Variants in IL3RA observed in about 807,000 individuals in gnomAD.
IL3RA encodes interleukin-3 receptor subunit alpha.
A neutral mutation model predicts 52.3 loss-of-function variants in IL3RA; 73 were observed. The ratio of observed to expected loss-of-function variants is 1.40; its 90% confidence interval spans 1.16 to 1.70. The LOEUF is 1.70. Among genes scored for constraint, IL3RA ranks in the 40% most tolerant of loss-of-function variants. The pLI, the probability that IL3RA is intolerant of heterozygous loss-of-function variation, is 0.00. For missense variants in IL3RA, 664 were observed against 504.4 expected (o/e 1.32, Z -3.03); for synonymous variants, 260 against 194.0 (o/e 1.34, Z -2.83).
intron 1 of IL3RA, among the ~76,000 whole-genome samples, chrX:1,339,271 C>T (rs753164104): frequency 6.6e-6 from 1 of 152,206 alleles, no homozygotes; most frequent in Non-Finnish European, 1.5e-5. Context: ...AACACAGGCT[C>T]TGTCCGAAAG....
chrX:1,350,895 ACACACAGATGCACACACACG>A (rs1250049152), intron 4 of IL3RA, among the ~76,000 whole-genome samples: 3 of 151,212 alleles, frequency 2.0e-5, no homozygotes, highest in African/African-American at 4.9e-5. Flanking sequence ...TCTTAAACAC[ACACACAGATGCACACACACG>A]CACACACACA....
rs1469539559 is a variant in IL3RA at position 1,361,370 on chromosome X, C to T, written c.759+2483C>T. On this transcript the variant is annotated intron_variant, in intron 8 of 11. Coordinates refer to ENST00000331035, the MANE Select transcript of IL3RA (RefSeq NM_002183.4). ...AAACAAAAGAGGGTTCCTGGACTCACAGTTCCATGTGGCTGGGGAGGCCTC... is the reference window on the plus strand; with the variant it reads ...AAACAAAAGAGGGTTCCTGGACTCATAGTTCCATGTGGCTGGGGAGGCCTC... Among the ~76,000 whole-genome samples, 81 of 152,124 alleles carry T rather than the reference C, an allele frequency of 5.3e-4. 1 individual carries two copies. Among genetic ancestry groups the T allele is most frequent in the Non-Finnish European group, 9.4e-4 (64 of 68,040 alleles).
At chrX:1,377,633 G>A (rs35141069) in intron 9 of IL3RA, among the ~76,000 whole-genome samples, 22,396 of 150,816 alleles carry the variant, frequency 0.15, 1,804 homozygotes, top group Middle Eastern at 0.26. Flanking sequence ...TAAGGTTATC[G>A]TCATAGGTTC....
At chrX:1,339,749 G>A (rs1424511751) in intron 1 of IL3RA, among the ~76,000 whole-genome samples, 2 of 151,994 alleles carry the variant, frequency 1.3e-5, no homozygotes, top group South Asian at 2.1e-4. Flanking sequence ...CCAAGATCGC[G>A]CCACTGCACT....
chrX:1,340,662 CAA>C (rs1334157939), intron 1 of IL3RA, among the ~76,000 whole-genome samples: 3 of 152,150 alleles, frequency 2.0e-5, no homozygotes, highest in African/African-American at 7.2e-5. Context: ...CATTCAAACA[CAA>C]AGACTGTGTG....
At chrX:1,366,657 C>G (rs1301193936) in intron 9 of IL3RA, among the ~76,000 whole-genome samples, 2 of 6,314 alleles carry the variant, frequency 3.2e-4, no homozygotes, top group African/African-American at 1.4e-3. Context: ...CGGGGTGAGC[C>G]GGGTGCCCCG....
chrX:1,361,755 G>GACAAA (rs2087406414), intron 8 of IL3RA, among the ~76,000 whole-genome samples: 1 of 81,766 alleles, frequency 1.2e-5, no homozygotes, highest in Admixed American at 1.5e-4. Flanking sequence ...TCCGTCTCGA[G>GACAAA]AAAAAAAAAA....
At position 1,378,622 on chromosome X, in the gene IL3RA, GC is replaced by G. The variant is rs773061479; in HGVS notation, c.875-32del. 1.8e-5 allele frequency: 29 copies of G among 1,568,710 alleles called. No individual in the cohort carries two copies. In the East Asian group the frequency reaches 6.5e-4, roughly 35 times the overall value. ...TACAGTCCCTGGTCCCCCCAGGACGGCCCCCGGTCTGTGACCCTCTCACCCT... is the reference window on the plus strand; with the variant it reads ...TACAGTCCCTGGTCCCCCCAGGACGGCCCCGGTCTGTGACCCTCTCACCCT... On this transcript the variant is annotated intron_variant, in intron 9 of 11. Transcript: ENST00000331035.
At position 1,382,389 on chromosome X, in the gene IL3RA, A is replaced by AG; in HGVS notation, c.1063dup. 1 of 1,613,682 alleles carries AG rather than the reference A, an allele frequency of 6.2e-7. No homozygotes were observed. Among genetic ancestry groups the AG allele is most frequent in the Non-Finnish European group, 8.5e-7 (1 of 1,179,700 alleles). The stretch of plus-strand genomic sequence containing the variant: ...TCACCCTGCCTCCTCTCGTCTCTGC[A>AG]GGTGGTCTGGGAGGCGGGCAAAGCC... On this transcript the variant is annotated splice_acceptor_variant, in intron 11 of 11. Coordinates refer to ENST00000331035, the MANE Select transcript of IL3RA (RefSeq NM_002183.4). LOFTEE classifies it high-confidence loss of function.
chrX:1,349,085 G>A (rs2085959028), intron 4 of IL3RA, among the ~76,000 whole-genome samples: 1 of 150,196 alleles, frequency 6.7e-6, no homozygotes, highest in Non-Finnish European at 1.5e-5. Context: ...ACAGCTTACT[G>A]CAGGCTTCAC....
intron 4 of IL3RA, among the ~76,000 whole-genome samples, chrX:1,351,569 T>A (rs2086085196): frequency 6.6e-6 from 1 of 151,330 alleles, no homozygotes; most frequent in Non-Finnish European, 1.5e-5. Flanking sequence ...CCTCAGGTGA[T>A]CCTCCTGCCT....
chrX:1,367,973 G>T (rs1240232151), intron 9 of IL3RA, among the ~76,000 whole-genome samples: 1 of 152,012 alleles, frequency 6.6e-6, no homozygotes, highest in East Asian at 1.9e-4. Context: ...GACGTGGAGG[G>T]GAAACAAGGT....
chrX:1,359,038 A>G, intron 8 of IL3RA, 151 bp downstream of exon 8: 1 of 633,064 alleles, frequency 1.6e-6, no homozygotes, highest in Non-Finnish European at 2.2e-6. Context: ...TTCAATGTTC[A>G]GTGACTTTCA....
rs370559144 is a variant in IL3RA at position 1,352,258 on chromosome X, G to A, written c.431+26G>A. Reference sequence around the variant, plus strand: ...GTAGGTGTGCCCGTGGGCAGAGGCCGGGCTGTCCCTGGTGCGGGTGCCATC... The same window carrying A: ...GTAGGTGTGCCCGTGGGCAGAGGCCAGGCTGTCCCTGGTGCGGGTGCCATC... On this transcript the variant is annotated intron_variant, in intron 5 of 11. Transcript: ENST00000331035. The A allele has an allele frequency of 9.9e-5, 159 of 1,613,094 alleles. No individual in the cohort carries two copies. In the African/African-American group the frequency reaches 1.3e-3, roughly 13 times the overall value.
rs1422483219 is a variant in IL3RA at position 1,364,789 on chromosome X, C to CTTTTATTA, written c.760-342_760-341insATTTTATT. Among the ~76,000 whole-genome samples the CTTTTATTA allele has an allele frequency of 4.4e-3, 629 of 143,418 alleles. 4 individuals are homozygous for CTTTTATTA. Among genetic ancestry groups the CTTTTATTA allele is most frequent in the Middle Eastern group, 0.028 (8 of 286 alleles). 94.1% of individuals were successfully genotyped at this position (143,418 alleles called of 152,430 possible). A position where few individuals can be genotyped will look rare whatever the true frequency, so the allele number is the denominator to read the frequency against. ...CGTAGCACCCAGCCCCTCTTTTCTT[C>CTTTTATTA]TTTTATTTATTTATTTATTTATTTA... On this transcript the variant is annotated intron_variant, in intron 8 of 11. Transcript: ENST00000331035.
At chrX:1,363,561 T>C (rs1357893105) in intron 8 of IL3RA, among the ~76,000 whole-genome samples, 2 of 150,882 alleles carry the variant, frequency 1.3e-5, no homozygotes, top group East Asian at 2.0e-4. Flanking sequence ...GTGCTGGGAT[T>C]ACAGGCGTGA....
At chrX:1,368,207 C>T (rs1391510478) in intron 9 of IL3RA, among the ~76,000 whole-genome samples, 1 of 151,470 alleles carries the variant, frequency 6.6e-6, no homozygotes, top group East Asian at 2.0e-4. Flanking sequence ...TGCAGTGAGC[C>T]GAGATCGCGC....
intron 3 of IL3RA, 69 bp from the exon 4 acceptor site, chrX:1,348,362 T>C: frequency 2.4e-6 from 3 of 1,261,524 alleles, no homozygotes; most frequent in South Asian, 1.2e-5. Flanking sequence ...TCAAAAAAAA[T>C]CTGAACATCA....
rs764352225 is a variant in IL3RA at position 1,348,459 on chromosome X, G to A, written c.212G>A (p.Gly71Glu). 16 of 1,613,804 alleles carry A rather than the reference G, an allele frequency of 9.9e-6. No individual in the cohort carries two copies. The highest frequency in any genetic ancestry group is 6.7e-5 in the Admixed American group (4 of 59,974). Residue 71 changes from glycine to glutamate, a missense_variant, in exon 4 of 12, where the codon GGA (glycine) becomes GAA (glutamate). Physicochemically the swap from Gly to Glu is moderately conservative, Grantham distance 98. Coordinates refer to ENST00000331035, the MANE Select transcript of IL3RA (RefSeq NM_002183.4). Reference sequence around the variant, plus strand: ...GTGAACAATAGCTATTGCCAGTTTGGAGCAATTTCCTTATGTGAAGTGACC... The same window carrying A: ...GTGAACAATAGCTATTGCCAGTTTGAAGCAATTTCCTTATGTGAAGTGACC... Reference protein sequence around the residue: ...PAVNNSYCQFGAISLCEVTNY... With the variant: ...PAVNNSYCQFEAISLCEVTNY...
Sources: allele counts gnomAD v4.1 joint callset (sites outside exome capture counted in the v4.1 genomes callset), GRCh38; gene constraint gnomAD v4.1.1; transcripts MANE v1.5; gene names NCBI Gene and HGNC (gene_info 2026-07-23, HGNC 2026-07-21).